Variants in ELOVL7 observed in about 807,000 individuals in gnomAD.
ELOVL7 encodes the protein ELOVL fatty acid elongase 7.
Under a neutral mutation model 35.7 loss-of-function variants are expected in ELOVL7, and 27 were observed. That is an observed-to-expected ratio of 0.76 (90% confidence interval 0.56 to 1.04). The LOEUF is 1.04. Among genes scored for constraint, ELOVL7 ranks in the 50% least tolerant of loss-of-function variants. ELOVL7 has a pLI of 0.00. For synonymous variants in ELOVL7, 113 were observed against 114.6 expected (o/e 0.99, Z 0.09); for missense variants, 327 against 340.8 (o/e 0.96, Z 0.32).
At position 60,754,455 on chromosome 5, in the gene ELOVL7, CTG is replaced by C. The variant is rs1741409628; in HGVS notation, c.*167_*168del. ...GCTGTAGGCTCTAATTATCAGAAGACTGTTATCTGGAAGCTTCGGGCTCTCAA... is the reference window on the plus strand; with the variant it reads ...GCTGTAGGCTCTAATTATCAGAAGACTTATCTGGAAGCTTCGGGCTCTCAA... On this transcript the variant is annotated 3_prime_UTR_variant, in exon 9 of 9. Coordinates refer to ENST00000508821, the MANE Select transcript of ELOVL7 (RefSeq NM_024930.3). 1.3e-5 allele frequency: 8 copies of C among 625,142 alleles called. No homozygotes were observed. In the South Asian group the frequency reaches 1.6e-4, roughly 12 times the overall value. 38.7% of individuals were successfully genotyped at this position (625,142 alleles called of 1,614,324 possible). A position where few individuals can be genotyped will look rare whatever the true frequency, so the allele number is the denominator to read the frequency against.
Position 60,787,435 on chromosome 5 carries a change from C to A in ELOVL7, c.-34-4G>T. On this transcript the variant is annotated splice_polypyrimidine_tract_variant and splice_region_variant and intron_variant, in intron 2 of 8. Transcript: ENST00000508821. ...TTACTGGCTCTTTTAATGGGTTCTT[C>A]AGTAAAATAAAACAGAAATGAGTTT... The A allele has an allele frequency of 1.4e-6, 2 of 1,476,628 alleles. No individual in the cohort carries two copies. Among genetic ancestry groups the A allele is most frequent in the Non-Finnish European group, 1.8e-6 (2 of 1,087,296 alleles). 91.5% of individuals were successfully genotyped at this position (1,476,628 alleles called of 1,614,324 possible). A position where few individuals can be genotyped will look rare whatever the true frequency, so the allele number is the denominator to read the frequency against.
intron 1 of ELOVL7, among the ~76,000 whole-genome samples, chr5:60,823,195 G>C (rs1745985030): frequency 6.6e-6 from 1 of 151,962 alleles, no homozygotes; most frequent in African/African-American, 2.4e-5. Flanking sequence ...AAAATGAGGG[G>C]GATGGTCAGA....
chr5:60,820,704 C>G (rs1044859513), intron 1 of ELOVL7, among the ~76,000 whole-genome samples: 2 of 152,140 alleles, frequency 1.3e-5, no homozygotes, highest in Non-Finnish European at 2.9e-5. Context: ...TGAGTTGGAC[C>G]ACGAACCTGA....
At chr5:60,770,709 A>AT (rs1323775945) in intron 4 of ELOVL7, among the ~76,000 whole-genome samples, 3 of 151,972 alleles carry the variant, frequency 2.0e-5, no homozygotes, top group South Asian at 2.1e-4. Flanking sequence ...AGGCCAGAGT[A>AT]TTTTTTTTAT....
At chr5:60,792,159 C>T (rs1219330070) in intron 2 of ELOVL7, among the ~76,000 whole-genome samples, 1 of 152,118 alleles carries the variant, frequency 6.6e-6, no homozygotes, top group Non-Finnish European at 1.5e-5. Flanking sequence ...AGATGAAGGA[C>T]TACAGAGTTA....
At chr5:60,794,892 TGCA>T (rs894385515) in intron 2 of ELOVL7, among the ~76,000 whole-genome samples, 4 of 152,140 alleles carry the variant, frequency 2.6e-5, no homozygotes, top group Admixed American at 2.6e-4. Context: ...AACTGGGGAC[TGCA>T]GGGTAAAAAC....
At chr5:60,842,151 A>G (rs1209582692) in intron 1 of ELOVL7, among the ~76,000 whole-genome samples, 1 of 152,254 alleles carries the variant, frequency 6.6e-6, no homozygotes, top group African/African-American at 2.4e-5. Context: ...AGAGAAGGGC[A>G]TATGTGTTCA....
intron 1 of ELOVL7, among the ~76,000 whole-genome samples, chr5:60,814,716 A>G (rs1185021940): frequency 6.6e-6 from 1 of 152,218 alleles, no homozygotes; most frequent in African/African-American, 2.4e-5. Flanking sequence ...CTGTAGAGGA[A>G]GTGTTCAAAG....
Position 60,823,643 on chromosome 5 carries a change from T to A in ELOVL7, c.-86+20517A>T, listed in dbSNP as rs747040421. ...TATAAAACGGAGTTAGGTAGAGGGT[T>A]TTTTAGAGATTAGTGAAAGAATAGA... On this transcript the variant is annotated intron_variant, in intron 1 of 8. Transcript: ENST00000508821. Among the ~76,000 whole-genome samples, 5 of 152,168 alleles carry A rather than the reference T, an allele frequency of 3.3e-5. No homozygotes were observed. The East Asian group carries it at 9.6e-4, about 29-fold the overall frequency.
At chr5:60,831,166 G>T (rs1433599983) in intron 1 of ELOVL7, among the ~76,000 whole-genome samples, 1 of 152,150 alleles carries the variant, frequency 6.6e-6, no homozygotes, top group Non-Finnish European at 1.5e-5. Flanking sequence ...GGACACAGGA[G>T]ATTACCTTCT....
At position 60,834,388 on chromosome 5, in the gene ELOVL7, G is replaced by A. The variant is rs372511698; in HGVS notation, c.-86+9772C>T. 1.7e-4 allele frequency among the ~76,000 whole-genome samples: 26 copies of A among 152,260 alleles called. No homozygotes were observed. The South Asian group carries it at 2.1e-3, about 12-fold the overall frequency. On this transcript the variant is annotated intron_variant, in intron 1 of 8. Transcript: ENST00000508821. ...TCTCCATCTCCTGACCTTGTGATCCGCCCGCCTCGGCCTCCCAAAGTGCTG... is the reference window on the plus strand; with the variant it reads ...TCTCCATCTCCTGACCTTGTGATCCACCCGCCTCGGCCTCCCAAAGTGCTG...
At chr5:60,819,067 AGGGGAGGGGAGGGGAGGGGAGGGGAGG>A (rs1745723883) in intron 1 of ELOVL7, among the ~76,000 whole-genome samples, 2 of 216 alleles carry the variant, frequency 9.3e-3, no homozygotes, top group Non-Finnish European at 0.022. Context: ...AGGGGAGGGG[AGGGGAGGGGAGGGGAGGGGAGGGGAGG>A]GGAGGGGAGA....
At chr5:60,809,855 C>G (rs181606571) in intron 1 of ELOVL7, among the ~76,000 whole-genome samples, 1 of 152,208 alleles carries the variant, frequency 6.6e-6, no homozygotes, top group Admixed American at 6.5e-5. Context: ...AGGGTTGATT[C>G]TGATTATGGA....
rs530173414 is a variant in ELOVL7, at chr5:60,795,376, A to G, written c.-35+3804T>C. Among the ~76,000 whole-genome samples the G allele has an allele frequency of 1.1e-4, 16 of 152,306 alleles. No individual in the cohort carries two copies. In the South Asian group the frequency reaches 1.5e-3, roughly 14 times the overall value. On this transcript the variant is annotated intron_variant, in intron 2 of 8. Coordinates refer to ENST00000508821, the MANE Select transcript of ELOVL7 (RefSeq NM_024930.3). Reference sequence around the variant, plus strand: ...AATCAGGTAGTAAACAGGGCTCACTAAAATACAAATTAACACTAAAAGCAG... The same window carrying G: ...AATCAGGTAGTAAACAGGGCTCACTGAAATACAAATTAACACTAAAAGCAG...
Position 60,751,870 on chromosome 5 carries a change from G to T in ELOVL7, c.*2754C>A, listed in dbSNP as rs1741302251. On this transcript the variant is annotated 3_prime_UTR_variant, in exon 9 of 9. Coordinates refer to ENST00000508821, the MANE Select transcript of ELOVL7 (RefSeq NM_024930.3). ...TTGACAACATCCACAGAATGTTCCA[G>T]TCTTTAAAAAGTTAGCAGAAATAAA... 1 of 152,036 alleles carries T rather than the reference G, an allele frequency of 6.6e-6. No homozygotes were observed. 9.4% of individuals were successfully genotyped at this position (152,036 alleles called of 1,614,324 possible). A position where few individuals can be genotyped will look rare whatever the true frequency, so the allele number is the denominator to read the frequency against.
intron 3 of ELOVL7, 44 bp from the exon 4 acceptor site, chr5:60,772,137 G>A: frequency 7.3e-7 from 1 of 1,365,240 alleles, no homozygotes; most frequent in Non-Finnish European, 1.0e-6. Context: ...CTTAGCCAAG[G>A]GGTAACTAAC....
At chr5:60,800,148 C>T (rs1279399396) in intron 1 of ELOVL7, among the ~76,000 whole-genome samples, 1 of 151,550 alleles carries the variant, frequency 6.6e-6, no homozygotes, top group African/African-American at 2.4e-5. Context: ...CAGCATTACT[C>T]AGATACCAAA....
intron 8 of ELOVL7, among the ~76,000 whole-genome samples, chr5:60,756,357 TC>T (rs1741539673): frequency 6.6e-6 from 1 of 152,170 alleles, no homozygotes; most frequent in South Asian, 2.1e-4. Flanking sequence ...TCAGTGATTA[TC>T]CCTGGGTGGC....
chr5:60,828,612 T>C (rs1561472061), intron 1 of ELOVL7, among the ~76,000 whole-genome samples: 1 of 152,058 alleles, frequency 6.6e-6, no homozygotes, highest in African/African-American at 2.4e-5. Context: ...ATAGGAGAGT[T>C]TTAAAAAAAT....
Sources: gnomAD v4.1 joint callset for allele counts (sites outside exome capture counted in the v4.1 genomes callset) on GRCh38, gnomAD v4.1.1 for gene constraint, MANE v1.5 for transcripts, NCBI Gene and HGNC (gene_info 2026-07-23, HGNC 2026-07-21) for gene names.